Variants in TRIM52 observed in about 807,000 individuals in gnomAD.
TRIM52 encodes the protein E3 ubiquitin-protein ligase TRIM52.
TRIM52 carries 24 observed loss-of-function variants against 27.0 expected under a neutral mutation model. The observed-to-expected ratio is 0.89, with a 90% CI of 0.64 to 1.25. The LOEUF (loss-of-function observed/expected upper bound fraction) is 1.25. TRIM52 is among the 50% of genes most tolerant of loss of function. TRIM52 has a pLI of 0.00. For missense variants in TRIM52, 351 were observed against 354.7 expected (o/e 0.99, Z 0.08); for synonymous variants, 125 against 126.5 (o/e 0.99, Z 0.08).
rs1156533747 is a variant in TRIM52 at position 181,256,811 on chromosome 5, AC to A, written c.861del (p.Gln287HisfsTer28). ...ATTTAACAGTGTTTGGCATGGTGTC[AC>A]TGCCCAACACTTTCAGATAACTCAA... ...SSVELSESVG[Q>X] On this transcript the variant is annotated frameshift_variant, in exon 2 of 2. Coordinates refer to ENST00000688015, the MANE Select transcript of TRIM52 (RefSeq NM_001346048.2). LOFTEE classifies it high-confidence loss of function. 2 of 985,280 alleles carry A rather than the reference AC, an allele frequency of 2.0e-6. No homozygotes were observed. The highest frequency in any genetic ancestry group is 6.1e-5 in the Admixed American group (1 of 16,264). 61.0% of individuals were successfully genotyped at this position (985,280 alleles called of 1,614,324 possible). A position where few individuals can be genotyped will look rare whatever the true frequency, so the allele number is the denominator to read the frequency against.
downstream of TRIM52, among the ~76,000 whole-genome samples, chr5:181,249,636 A>G (rs954975138): frequency 6.6e-6 from 1 of 151,862 alleles, no homozygotes; most frequent in Non-Finnish European, 1.5e-5. Flanking sequence ...TGATCACATC[A>G]CTACACTCCA....
chr5:181,253,035 CTT>C (rs537636866), downstream of TRIM52, among the ~76,000 whole-genome samples: 17 of 134,590 alleles, frequency 1.3e-4, no homozygotes, highest in Admixed American at 2.2e-4. Flanking sequence ...ACTCAGGGTA[CTT>C]TTTTTTTTTT....
rs1227170202 is a variant in TRIM52 at position 181,260,590 on chromosome 5, A to T, written c.224T>A (p.Met75Lys). 1.2e-6 allele frequency: 2 copies of T among 1,612,938 alleles called. No individual in the cohort carries two copies. The highest frequency in any genetic ancestry group is 1.3e-5 in the African/African-American group (1 of 74,438). ...TCGAATGGAGCCGTCCCATCCATCCATGGCCCCCACCGCTTCCTCGTCCTC... is the reference window on the plus strand; with the variant it reads ...TCGAATGGAGCCGTCCCATCCATCCTTGGCCCCCACCGCTTCCTCGTCCTC... ...EEEDEEAVGA[M>K]DGWDGSIREV... Residue 75 changes from methionine to lysine, a missense_variant, in exon 1 of 2, where the codon ATG (methionine) becomes AAG (lysine). Met to Lys is a moderately conservative substitution (Grantham distance 95). Transcript: ENST00000688015. The surrounding 1 kb of genome is among the most constrained non-coding windows in gnomAD (Gnocchi z 4.4).
downstream of TRIM52, among the ~76,000 whole-genome samples, chr5:181,252,909 G>T (rs1446853325): frequency 6.6e-6 from 1 of 152,106 alleles, no homozygotes; most frequent in Non-Finnish European, 1.5e-5. Context: ...CACGGTTCTT[G>T]TTCTCCCAAA....
chr5:181,251,032 A>G (rs1759622941), downstream of TRIM52, among the ~76,000 whole-genome samples: 1 of 151,946 alleles, frequency 6.6e-6, no homozygotes, highest in South Asian at 2.1e-4. Flanking sequence ...GCTCCTGCCT[A>G]TAATCCCAGC....
Position 181,260,177 on chromosome 5 carries a change from G to T in TRIM52, c.637C>A (p.Pro213Thr). 6.2e-7 allele frequency: 1 copy of T among 1,614,196 alleles called. No individual in the cohort carries two copies. Residue 213 changes from proline (P) to threonine (T), a missense_variant, in exon 1 of 2, where the codon CCC becomes ACC. Physicochemically the swap from Pro to Thr is conservative, Grantham distance 38 (BLOSUM62 -1). Transcript: ENST00000688015. This position sits in a 1 kb window ranked among gnomAD's most constrained non-coding sequence, Gnocchi z 4.4. ...CTCCGGTTTCCCCGATAAGGAGTGG[G>T]GCACATCTGGCGAATTATCTGGACC... ...NMVQIIRQMCPTPYRGNRSND... is the reference protein window; with the variant it reads ...NMVQIIRQMCTTPYRGNRSND...
Position 181,260,136 on chromosome 5 carries a change from C to A in TRIM52, c.678G>T (p.Met226Ile). 1 of 1,614,228 alleles carries A rather than the reference C, an allele frequency of 6.2e-7. No homozygotes were observed. The highest frequency in any genetic ancestry group is 1.1e-5 in the South Asian group (1 of 91,090). ...TCAGGGCTTCCTGGTGTTTAAAGCA[C>A]ATGCCCTGATCATTACTCCGGTTTC... ...YRGNRSNDQG[M>I]CFKHQEALKL... Residue 226 changes from methionine (M) to isoleucine (I), a missense_variant, in exon 1 of 2, where the codon ATG becomes ATT. By Grantham distance (10) the Met-to-Ile change is conservative. Coordinates refer to ENST00000688015, the MANE Select transcript of TRIM52 (RefSeq NM_001346048.2). This position sits in a 1 kb window ranked among gnomAD's most constrained non-coding sequence, Gnocchi z 4.4.
chr5:181,260,263 GGGCAGGTGAACTGCCCTGGAAGGGGCAA>G lies in TRIM52; in HGVS notation c.523_550del (p.Leu175ProfsTer24). ...ACGTGTAAAGCTCTTTCGGCACTGG[GGGCAGGTGAACTGCCCTGGAAGGGGCAA>G]GGAAGGAGGCGGGTGGATGTCAGGA... On this transcript the variant is annotated frameshift_variant, in exon 1 of 2. Coordinates refer to ENST00000688015, the MANE Select transcript of TRIM52 (RefSeq NM_001346048.2). LOFTEE classifies it high-confidence loss of function. The surrounding 1 kb of genome is among the most constrained non-coding windows in gnomAD (Gnocchi z 4.4). 6.2e-7 allele frequency: 1 copy of G among 1,614,234 alleles called. No homozygotes were observed. Among genetic ancestry groups the G allele is most frequent in the Non-Finnish European group, 8.5e-7 (1 of 1,180,048 alleles).
chr5:181,258,703 CAAA>C (rs1019066767), intron 1 of TRIM52: 1 of 151,866 alleles, frequency 6.6e-6, no homozygotes, highest in South Asian at 2.1e-4. Context: ...GACTGCAACT[CAAA>C]GAAAGCAATA....
chr5:181,257,304 A>G, intron 1 of TRIM52: 1 of 1,341,000 alleles, frequency 7.5e-7, no homozygotes, highest in Non-Finnish European at 9.6e-7. Flanking sequence ...TTAAAAGAAC[A>G]TTGACCTCAA....
chr5:181,260,123 G>C lies in TRIM52; in HGVS notation c.691C>G (p.Gln231Glu), dbSNP rs142626341. 21 of 1,614,186 alleles carry C rather than the reference G, an allele frequency of 1.3e-5. 1 individual carries two copies. Among genetic ancestry groups the C allele is most frequent in the Admixed American group, 3.3e-5 (2 of 60,012 alleles). Residue 231 changes from glutamine to glutamate, a missense_variant, in exon 1 of 2, where the codon CAG becomes GAG. By Grantham distance (29) the Gln-to-Glu change is conservative. Transcript: ENST00000688015. The surrounding 1 kb of genome is among the most constrained non-coding windows in gnomAD (Gnocchi z 4.4). The part of the protein sequence containing the change: ...SNDQGMCFKH[Q>E]EALKLFCEVD... ...TCACAGAAGAGTTTCAGGGCTTCCT[G>C]GTGTTTAAAGCACATGCCCTGATCA... is the stretch of plus-strand genomic sequence containing the variant.
chr5:181,249,935 A>G (rs770300753), downstream of TRIM52, among the ~76,000 whole-genome samples: 2 of 151,462 alleles, frequency 1.3e-5, no homozygotes, highest in African/African-American at 2.4e-5. Context: ...GGTTCAGACA[A>G]TTCTCCCACC....
downstream of TRIM52, among the ~76,000 whole-genome samples, chr5:181,249,345 C>G (rs1393370161): frequency 6.6e-6 from 1 of 152,076 alleles, no homozygotes; most frequent in African/African-American, 2.4e-5. Flanking sequence ...CTCTCTCATC[C>G]CTACACTACT....
chr5:181,250,080 C>A (rs537715219), downstream of TRIM52, among the ~76,000 whole-genome samples: 13 of 152,150 alleles, frequency 8.5e-5, no homozygotes, highest in African/African-American at 2.9e-4. Context: ...AAAGATTCAG[C>A]ATAAATTTTA....
chr5:181,260,444 C>G lies in TRIM52; in HGVS notation c.370G>C (p.Glu124Gln), dbSNP rs1298850854. 1 of 1,614,070 alleles carries G rather than the reference C, an allele frequency of 6.2e-7. No individual in the cohort carries two copies. The highest frequency in any genetic ancestry group is 8.5e-7 in the Non-Finnish European group (1 of 1,180,012). Reference sequence around the variant, plus strand: ...TGATCTTCCTCTTCTTCTTCTTCCTCCTCGTCCCACATATAGTCTACGTTG... The same window carrying G: ...TGATCTTCCTCTTCTTCTTCTTCCTGCTCGTCCCACATATAGTCTACGTTG... ...WDNVDYMWDE[E>Q]EEEEEEDQDY... Residue 124 changes from glutamate to glutamine, a missense_variant, in exon 1 of 2, where the codon GAG (glutamate) becomes CAG (glutamine). By Grantham distance (29) the Glu-to-Gln change is conservative. Transcript: ENST00000688015. The surrounding 1 kb of genome is among the most constrained non-coding windows in gnomAD (Gnocchi z 4.4).
rs1374117042 is a variant in TRIM52, at chr5:181,256,249, A to G, written c.*560T>C. On this transcript the variant is annotated 3_prime_UTR_variant, in exon 2 of 2. Transcript: ENST00000688015. Reference sequence around the variant, plus strand: ...TGCAAAAATACTGTCTTTGGTGGTCAAGTAGAAGGCTCACGAAAACAGCAC... The same window carrying G: ...TGCAAAAATACTGTCTTTGGTGGTCGAGTAGAAGGCTCACGAAAACAGCAC... 1 of 152,238 alleles carries G rather than the reference A, an allele frequency of 6.6e-6. No homozygotes were observed. Among genetic ancestry groups the G allele is most frequent in the Admixed American group, 6.5e-5 (1 of 15,288 alleles). 9.4% of individuals were successfully genotyped at this position (152,238 alleles called of 1,614,324 possible). A position where few individuals can be genotyped will look rare whatever the true frequency, so the allele number is the denominator to read the frequency against.
rs1304601800 is a variant in TRIM52 at position 181,260,643 on chromosome 5, GT to G, written c.170del (p.Asn57ThrfsTer55). The G allele has an allele frequency of 9.3e-6, 15 of 1,613,388 alleles. No individual in the cohort carries two copies. Among genetic ancestry groups the G allele is most frequent in the Non-Finnish European group, 1.2e-5 (14 of 1,179,914 alleles). On this transcript the variant is annotated frameshift_variant, in exon 1 of 2. Coordinates refer to ENST00000688015, the MANE Select transcript of TRIM52 (RefSeq NM_001346048.2). LOFTEE classifies it high-confidence loss of function. The surrounding 1 kb of genome is among the most constrained non-coding windows in gnomAD (Gnocchi z 4.4). ...LWSKEDEEDQ[N>X]EEEDEWEEEE... is the part of the protein sequence containing the mutation. The stretch of plus-strand genomic sequence containing the variant: ...CCTCCTCCCATTCATCTTCCTCCTC[GT>G]TCTGGTCCTCCTCGTCCTCCTTACT...
In TRIM52 at chr5:181,260,162, C is replaced by G; in HGVS notation, c.652G>C (p.Gly218Arg). The G allele has an allele frequency of 6.2e-7, 1 of 1,614,210 alleles. No individual in the cohort carries two copies. Among genetic ancestry groups the G allele is most frequent in the African/African-American group, 1.3e-5 (1 of 75,046 alleles). ...ATGCCCTGATCATTACTCCGGTTTC[C>G]CCGATAAGGAGTGGGGCACATCTGG... ...IRQMCPTPYR[G>R]NRSNDQGMCF... The change falls in exon 1 of 2, where the codon GGA (glycine) becomes CGA (arginine). Residue 218 changes from glycine (G) to arginine (R), a missense_variant. Gly to Arg is a moderately radical substitution (Grantham distance 125, BLOSUM62 -2). Transcript: ENST00000688015. This position sits in a 1 kb window ranked among gnomAD's most constrained non-coding sequence, Gnocchi z 4.4.
At chr5:181,259,236 CTT>C (rs1373349347) in intron 1 of TRIM52, 2 of 152,794 alleles carry the variant, frequency 1.3e-5, no homozygotes, top group Non-Finnish European at 2.9e-5. Flanking sequence ...TATATGATCT[CTT>C]TTAATCCTTA....
Sources: allele counts gnomAD v4.1 joint callset (sites outside exome capture counted in the v4.1 genomes callset), GRCh38; gene constraint gnomAD v4.1.1; non-coding constraint Gnocchi (gnomAD v3.1); transcripts MANE v1.5; gene names NCBI Gene and HGNC (gene_info 2026-07-23, HGNC 2026-07-21).